Variants in RIMKLB observed in about 807,000 individuals in gnomAD.
The protein encoded by RIMKLB is ribosomal modification protein rimK like family member B, also known as beta-citrylglutamate synthase B.
Under a neutral mutation model 32.0 loss-of-function variants are expected in RIMKLB, and 7 were observed. The ratio of observed to expected loss-of-function variants is 0.22; its 90% CI spans 0.12 to 0.41. The LOEUF is 0.41. Among genes scored for constraint, RIMKLB ranks in the 10% least tolerant of loss-of-function variants. RIMKLB has a pLI of 1.00. For synonymous variants in RIMKLB, 172 were observed against 185.1 expected, an observed-to-expected ratio of 0.93 and a Z score of 0.57; for missense variants, 289 against 498.7, an observed-to-expected ratio of 0.58 and a Z score of 4.00.
intron 1 of RIMKLB, among the ~76,000 whole-genome samples, chr12:8,691,350 T>A (rs1942727109): frequency 6.6e-6 from 1 of 152,078 alleles, no homozygotes; most frequent in Non-Finnish European, 1.5e-5. Context: ...GGCTCACGAC[T>A]GTAATCCCAG....
upstream of RIMKLB, among the ~76,000 whole-genome samples, chr12:8,680,873 A>G (rs192261029): frequency 8.5e-5 from 13 of 152,314 alleles, no homozygotes; most frequent in East Asian, 2.5e-3. Flanking sequence ...TCTTCTAAAA[A>G]GTTTTGTGTG....
At chr12:8,738,702 A>ACAGT (rs1947233960) in intron 2 of RIMKLB, among the ~76,000 whole-genome samples, 1 of 152,238 alleles carries the variant, frequency 6.6e-6, no homozygotes, top group African/African-American at 2.4e-5. Context: ...ATTGAGAATT[A>ACAGT]CAGTGTTCAT....
chr12:8,772,435 G>A (rs1950488643), intron 5 of RIMKLB, among the ~76,000 whole-genome samples: 1 of 152,086 alleles, frequency 6.6e-6, no homozygotes, highest in Non-Finnish European at 1.5e-5. Flanking sequence ...TTTACATCAG[G>A]GCTCACTCAG....
At chr12:8,770,218 C>G (rs1239118500) in intron 5 of RIMKLB, among the ~76,000 whole-genome samples, 1 of 152,226 alleles carries the variant, frequency 6.6e-6, no homozygotes, top group East Asian at 1.9e-4. Context: ...TCGCCTCGAC[C>G]TCCCATAGTG....
intron 5 of RIMKLB, among the ~76,000 whole-genome samples, chr12:8,763,867 G>A (rs1454190977): frequency 6.6e-6 from 1 of 152,230 alleles, no homozygotes; most frequent in Non-Finnish European, 1.5e-5. Context: ...GGTGAGTTGA[G>A]ACGTTGGGTT....
intron 2 of RIMKLB, among the ~76,000 whole-genome samples, chr12:8,749,503 C>T (rs767739780): frequency 6.6e-6 from 1 of 152,322 alleles, no homozygotes; most frequent in Admixed American, 6.5e-5. Context: ...CCACTGCACC[C>T]GGCCCACTTA....
intron 1 of RIMKLB, among the ~76,000 whole-genome samples, chr12:8,711,324 A>G (rs1262591274): frequency 3.3e-5 from 5 of 151,988 alleles, no homozygotes; most frequent in African/African-American, 9.7e-5. Flanking sequence ...ACTTAGGCCG[A>G]GGAGTTTGAG....
At chr12:8,780,513 A>AT (rs1245669892), downstream of RIMKLB, 1 of 152,188 alleles carries the variant, frequency 6.6e-6, no homozygotes, top group Non-Finnish European at 1.5e-5. Flanking sequence ...AAACAAAGGA[A>AT]TTTTTTCTTA....
intron 2 of RIMKLB, among the ~76,000 whole-genome samples, chr12:8,731,231 G>T (rs550140589): frequency 9.2e-5 from 14 of 151,808 alleles, no homozygotes; most frequent in Admixed American, 3.3e-4. Context: ...TGAGTAGCTG[G>T]GATTACAGGC....
intron 2 of RIMKLB, among the ~76,000 whole-genome samples, chr12:8,737,274 C>CT (rs35705647): frequency 3.8e-5 from 4 of 104,884 alleles, no homozygotes; most frequent in Admixed American, 2.8e-4. Flanking sequence ...TTGCCTGTGT[C>CT]TTTTTTGACA....
chr12:8,774,731 T>C lies in RIMKLB; in HGVS notation c.*947T>C, dbSNP rs1950626538. ...GCCTTTTATTTTTTCCCTTTTTGTTTTGGTAGTTGGGCATTTAAATAAGGA... is the reference window on the plus strand; with the variant it reads ...GCCTTTTATTTTTTCCCTTTTTGTTCTGGTAGTTGGGCATTTAAATAAGGA... On this transcript the variant is annotated 3_prime_UTR_variant, in exon 6 of 6. Coordinates refer to ENST00000535829, the MANE Select transcript of RIMKLB (RefSeq NM_001297776.2). The C allele has an allele frequency of 2.0e-6, 2 of 985,804 alleles. No individual in the cohort carries two copies. Among genetic ancestry groups the C allele is most frequent in the South Asian group, 9.4e-5 (2 of 21,286 alleles). The allele number at this position is 985,804 out of a possible 1,614,324, so 61.1% of individuals were successfully genotyped here.
At chr12:8,762,395 G>T (rs1031525370) in intron 5 of RIMKLB, among the ~76,000 whole-genome samples, 3 of 151,916 alleles carry the variant, frequency 2.0e-5, no homozygotes, top group Non-Finnish European at 4.4e-5. Context: ...CCATGCTAGG[G>T]TCCTTCTATA....
At chr12:8,696,526 T>C (rs899527126), upstream of RIMKLB, among the ~76,000 whole-genome samples, 1 of 152,190 alleles carries the variant, frequency 6.6e-6, no homozygotes, top group Admixed American at 6.5e-5. Flanking sequence ...ATATACTTAT[T>C]AACTCATTTA....
chr12:8,713,063 A>G (rs1028693592), intron 1 of RIMKLB, among the ~76,000 whole-genome samples: 2 of 152,156 alleles, frequency 1.3e-5, no homozygotes, highest in African/African-American at 2.4e-5. Context: ...CCTTTTTTGC[A>G]TTTTAGTAAA....
At chr12:8,682,369 C>T (rs918457727) in intron 1 of RIMKLB, among the ~76,000 whole-genome samples, 5 of 152,002 alleles carry the variant, frequency 3.3e-5, no homozygotes, top group East Asian at 1.9e-4. Context: ...ATGAAAGGCT[C>T]CTAATAACTA....
chr12:8,738,398 T>C (rs1343783709), intron 2 of RIMKLB, among the ~76,000 whole-genome samples: 2 of 152,286 alleles, frequency 1.3e-5, no homozygotes, highest in East Asian at 1.9e-4. Flanking sequence ...ACGCAAAGCT[T>C]AAAATAGCAT....
rs189663513 is a variant in RIMKLB at position 8,746,326 on chromosome 12, C to T, written c.176-3536C>T. Among the ~76,000 whole-genome samples the T allele has an allele frequency of 9.2e-5, 14 of 151,640 alleles. 1 individual carries two copies. In the East Asian group the frequency reaches 9.7e-4, roughly 10 times the overall value. On this transcript the variant is annotated intron_variant, in intron 2 of 5. Transcript: ENST00000535829. ...ACGCCTAAGAAATGATATCAAGGGC[C>T]GGGAGCTCATGCCTGTAATCCCAGC... is the stretch of plus-strand genomic sequence containing the variant.
intron 2 of RIMKLB, 95 bp downstream of exon 2, chr12:8,714,136 C>T (rs761869626): frequency 2.2e-6 from 2 of 922,570 alleles, no homozygotes; most frequent in Non-Finnish European, 1.7e-6. Context: ...AATTCTTAGC[C>T]TTGTCATTAC....
rs1262684443 is a variant in RIMKLB at position 8,776,753 on chromosome 12, A to C, written c.*2969A>C. On this transcript the variant is annotated 3_prime_UTR_variant, in exon 6 of 6. Transcript: ENST00000535829. ...AATGAACATTGAAATCTTCCTGTATATGTTACCAATAAGAAAACTACCCTG... is the reference window on the plus strand; with the variant it reads ...AATGAACATTGAAATCTTCCTGTATCTGTTACCAATAAGAAAACTACCCTG... The C allele has an allele frequency of 9.1e-6, 9 of 985,216 alleles. No individual in the cohort carries two copies. The African/African-American group carries it at 1.6e-4, about 17-fold the overall frequency. The allele number at this position is 985,216 out of a possible 1,614,324, so 61.0% of individuals were successfully genotyped here.
Sources: allele counts gnomAD v4.1 joint callset (sites outside exome capture counted in the v4.1 genomes callset), GRCh38; gene constraint gnomAD v4.1.1; transcripts MANE v1.5; gene names NCBI Gene and HGNC (gene_info 2026-07-23, HGNC 2026-07-21).